Variants in NAMPT observed in about 807,000 individuals in gnomAD.
NAMPT encodes the protein NAmPRTase.
A neutral mutation model predicts 58.7 loss-of-function variants in NAMPT; 7 were observed. That is an observed-to-expected ratio of 0.12 (90% CI 0.07 to 0.22). The LOEUF (loss-of-function observed/expected upper bound fraction) is 0.22. Among genes scored for constraint, NAMPT ranks in the 10% least tolerant of loss-of-function variants. NAMPT has a pLI of 1.00. For synonymous variants in NAMPT, 145 were observed against 198.1 expected (o/e 0.73, Z 2.25); for missense variants, 271 against 567.9 (o/e 0.48, Z 5.31).
intron 7 of NAMPT, chr7:106,263,055 T>G: frequency 3.5e-6 from 1 of 289,146 alleles, no homozygotes; most frequent in Non-Finnish European, 6.5e-6. Flanking sequence ...AGCAGTGACT[T>G]ATGCTGAAAA....
At chr7:106,252,447 T>C (rs924435746) in intron 10 of NAMPT, among the ~76,000 whole-genome samples, 2 of 152,122 alleles carry the variant, frequency 1.3e-5, no homozygotes, top group Admixed American at 6.6e-5. Flanking sequence ...TAGGAAGTAA[T>C]AGTGCACTCA....
intron 6 of NAMPT, among the ~76,000 whole-genome samples, chr7:106,264,688 C>T (rs1373383621): frequency 1.3e-5 from 2 of 151,974 alleles, no homozygotes; most frequent in African/African-American, 2.4e-5. Flanking sequence ...TTGAAAATTA[C>T]CATTTAATTA....
Position 106,253,118 on chromosome 7 carries a change from TG to T in NAMPT, c.1263del (p.Asn422ThrfsTer46). ...INVFKDPVAD[P>X]NKRSKKGRLS... ...AATCGGCCCTTTTTGGACCTTTTGTTGGGATCAGCAACTGGGTCCTTGAAGA... is the reference window on the plus strand; with the variant it reads ...AATCGGCCCTTTTTGGACCTTTTGTTGGATCAGCAACTGGGTCCTTGAAGA... On this transcript the variant is annotated frameshift_variant, in exon 10 of 11. Coordinates refer to ENST00000222553, the MANE Select transcript of NAMPT (RefSeq NM_005746.3). LOFTEE classifies it high-confidence loss of function. 1 of 1,613,258 alleles carries T rather than the reference TG, an allele frequency of 6.2e-7. No individual in the cohort carries two copies. Among genetic ancestry groups the T allele is most frequent in the Non-Finnish European group, 8.5e-7 (1 of 1,179,432 alleles).
chr7:106,284,084 C>A (rs1349761042), intron 1 of NAMPT, among the ~76,000 whole-genome samples: 1 of 152,218 alleles, frequency 6.6e-6, no homozygotes, highest in Non-Finnish European at 1.5e-5. Flanking sequence ...TTTAAATCCT[C>A]GTGTTTCATT....
At chr7:106,259,208 G>C (rs935331707) in intron 8 of NAMPT, among the ~76,000 whole-genome samples, 2 of 152,100 alleles carry the variant, frequency 1.3e-5, no homozygotes, top group Non-Finnish European at 2.9e-5. Flanking sequence ...CAGATCTTCA[G>C]GCTCCACCAC....
rs898810738 is a variant in NAMPT, at chr7:106,249,300, C to G, written c.*1783G>C. 2.6e-5 allele frequency: 4 copies of G among 152,398 alleles called. No homozygotes were observed. The allele number at this position is 152,398 out of a possible 1,614,324, so 9.4% of individuals were successfully genotyped here. On this transcript the variant is annotated 3_prime_UTR_variant, in exon 11 of 11. Coordinates refer to ENST00000222553, the MANE Select transcript of NAMPT (RefSeq NM_005746.3). The stretch of plus-strand genomic sequence containing the variant: ...CTGAAAAACATATTCTTTCTAATAC[C>G]ACTTACAAAAAACATTTAATGAAGA...
intron 2 of NAMPT, chr7:106,276,704 T>TAGATCTC: frequency 2.5e-5 from 6 of 235,766 alleles, no homozygotes; most frequent in South Asian, 2.0e-4. Flanking sequence ...TAGTTGGGTG[T>TAGATCTC]GGTGGTGCAT....
At chr7:106,267,212 T>C (rs930400885) in intron 6 of NAMPT, among the ~76,000 whole-genome samples, 6 of 152,232 alleles carry the variant, frequency 3.9e-5, no homozygotes, top group African/African-American at 1.4e-4. Context: ...CTCCTTCCCT[T>C]GCAACACTAC....
chr7:106,254,186 G>C (rs993883111), intron 9 of NAMPT, among the ~76,000 whole-genome samples, 178 bp downstream of exon 9: 14 of 151,810 alleles, frequency 9.2e-5, no homozygotes, highest in African/African-American at 3.1e-4. Flanking sequence ...GTCTCCTTAG[G>C]TCTGTTATTA....
intron 2 of NAMPT, chr7:106,275,818 T>C (rs939591934): frequency 6.6e-6 from 1 of 152,030 alleles, no homozygotes; most frequent in Admixed American, 6.6e-5. Context: ...GCGGGTCGCT[T>C]GAGAGCTCAA....
chr7:106,274,680 C>G (rs1792599899), intron 3 of NAMPT, among the ~76,000 whole-genome samples: 1 of 152,118 alleles, frequency 6.6e-6, no homozygotes, highest in African/African-American at 2.4e-5. Flanking sequence ...CACAGTAAAA[C>G]CCCATCTCTA....
rs1179773795 is a variant in NAMPT at position 106,248,864 on chromosome 7, T to A, written c.*2219A>T. ...ATACCAAGTGCTTAGTGACAGAAAGTCAGAATTAATCAGTTCCAAGTGACT... is the reference window on the plus strand; with the variant it reads ...ATACCAAGTGCTTAGTGACAGAAAGACAGAATTAATCAGTTCCAAGTGACT... On this transcript the variant is annotated 3_prime_UTR_variant, in exon 11 of 11. Transcript: ENST00000222553. 2 of 152,054 alleles carry A rather than the reference T, an allele frequency of 1.3e-5. No individual in the cohort carries two copies. Among genetic ancestry groups the A allele is most frequent in the African/African-American group, 4.8e-5 (2 of 41,414 alleles). The allele number at this position is 152,054 out of a possible 1,614,324, so 9.4% of individuals were successfully genotyped here.
intron 5 of NAMPT, among the ~76,000 whole-genome samples, chr7:106,268,919 C>G (rs1792478300): frequency 6.6e-6 from 1 of 152,142 alleles, no homozygotes; most frequent in Non-Finnish European, 1.5e-5. Context: ...TATATTATGT[C>G]TGTTTCTGGC....
chr7:106,269,436 A>G, intron 4 of NAMPT, 124 bp from the exon 5 acceptor site: 1 of 836,154 alleles, frequency 1.2e-6, no homozygotes, highest in South Asian at 1.8e-5. Flanking sequence ...AACTAGACAC[A>G]GAACTGCGCA....
chr7:106,262,269 CACTA>C (rs775646389), intron 7 of NAMPT, among the ~76,000 whole-genome samples: 3 of 152,088 alleles, frequency 2.0e-5, no homozygotes, highest in African/African-American at 4.8e-5. Flanking sequence ...CTTACTCATT[CACTA>C]ACTACTAAAA....
chr7:106,276,189 C>T (rs1400348329), intron 2 of NAMPT: 1 of 152,150 alleles, frequency 6.6e-6, no homozygotes, highest in African/African-American at 2.4e-5. Context: ...GCCTAAAATT[C>T]ACCTTACTGT....
At chr7:106,266,936 T>C (rs944369696) in intron 6 of NAMPT, among the ~76,000 whole-genome samples, 1 of 152,220 alleles carries the variant, frequency 6.6e-6, no homozygotes, top group African/African-American at 2.4e-5. Context: ...CTTACTAACC[T>C]GAACCTGTCT....
At chr7:106,270,932 T>C (rs1430596254) in intron 4 of NAMPT, among the ~76,000 whole-genome samples, 1 of 152,222 alleles carries the variant, frequency 6.6e-6, no homozygotes, top group Non-Finnish European at 1.5e-5. Context: ...ATCAGTACAA[T>C]TCTTAAACTC....
At chr7:106,283,572 G>A (rs908739467) in intron 1 of NAMPT, among the ~76,000 whole-genome samples, 1 of 152,118 alleles carries the variant, frequency 6.6e-6, no homozygotes, top group Non-Finnish European at 1.5e-5. Context: ...AACACAAGAG[G>A]AGGTTTTAGG....
Sources: allele counts gnomAD v4.1 joint callset (sites outside exome capture counted in the v4.1 genomes callset), GRCh38; gene constraint gnomAD v4.1.1; transcripts MANE v1.5; gene names NCBI Gene and HGNC (gene_info 2026-07-23, HGNC 2026-07-21).